Variants in PLEKHS1 observed in about 807,000 individuals in gnomAD.
PLEKHS1 encodes pleckstrin homology domain-containing family S member 1.
Under a neutral mutation model 51.0 loss-of-function variants are expected in PLEKHS1, and 55 were observed. The observed-to-expected ratio is 1.08, with a 90% confidence interval of 0.87 to 1.35. The LOEUF (loss-of-function observed/expected upper bound fraction) is 1.35. Among genes scored for constraint, PLEKHS1 ranks in the 40% most tolerant of loss-of-function variants. The pLI, the probability that PLEKHS1 is intolerant of heterozygous loss-of-function variation, is 0.00. For missense variants in PLEKHS1, 398 were observed against 423.0 expected (o/e 0.94, Z 0.52); for synonymous variants, 153 against 144.8 (o/e 1.06, Z -0.41).
intron 9 of PLEKHS1, 124 bp downstream of exon 9, chr10:113,774,457 T>C: frequency 1.6e-6 from 1 of 634,816 alleles, no homozygotes; most frequent in Non-Finnish European, 2.7e-6. Context: ...AGTTTCCACA[T>C]ATTATTCAGT....
chr10:113,755,020 T>C lies in PLEKHS1; in HGVS notation c.-19-239T>C, dbSNP rs562206579. 2.9e-4 allele frequency among the ~76,000 whole-genome samples: 44 copies of C among 152,180 alleles called. 1 individual carries two copies. The highest frequency in any genetic ancestry group is 5.0e-4 in the Non-Finnish European group (34 of 68,008). ...CTCCTTCAGTCTTCTCAACAACACCTCCGCAGAACCACCCACTGTGTGAGG... is the reference window on the plus strand; with the variant it reads ...CTCCTTCAGTCTTCTCAACAACACCCCCGCAGAACCACCCACTGTGTGAGG... On this transcript the variant is annotated intron_variant, in intron 1 of 11. Coordinates refer to ENST00000361048, the Ensembl canonical transcript of PLEKHS1.
intron 2 of PLEKHS1, among the ~76,000 whole-genome samples, chr10:113,761,329 G>T (rs1843917506): frequency 1.3e-5 from 2 of 152,018 alleles, no homozygotes; most frequent in Admixed American, 1.3e-4. Context: ...AATGCCATTG[G>T]GATTTTAATA....
intron 1 of PLEKHS1, among the ~76,000 whole-genome samples, chr10:113,754,267 T>C (rs1222795792): frequency 1.3e-5 from 2 of 152,210 alleles, no homozygotes; most frequent in Non-Finnish European, 2.9e-5. Context: ...CCCATCTTAC[T>C]TGGGGCTGCT....
rs1366656972 is a variant in PLEKHS1 at position 113,769,854 on chromosome 10, C to CAG, written c.509_510dup (p.Ala171ArgfsTer17). On this transcript the variant is annotated frameshift_variant, in exon 7 of 12. Transcript: ENST00000361048. LOFTEE classifies it high-confidence loss of function. ...CCTCTCCTTGGCCCTTCCAGCACAT[C>CAG]AGAGGCTGTTGGCTCCAGCTCACCA... 16 of 1,614,086 alleles carry CAG rather than the reference C, an allele frequency of 9.9e-6. No individual in the cohort carries two copies. Among genetic ancestry groups the CAG allele is most frequent in the Non-Finnish European group, 1.4e-5 (16 of 1,179,958 alleles).
intron 11 of PLEKHS1, among the ~76,000 whole-genome samples, chr10:113,779,897 A>G (rs1844816476): frequency 6.6e-6 from 1 of 152,220 alleles, no homozygotes; most frequent in African/African-American, 2.4e-5. Context: ...AAGATAGAAA[A>G]TTCCCTTACT....
chr10:113,769,838 G>A (rs1351010355), exon 7 of PLEKHS1: 1 of 1,614,006 alleles, frequency 6.2e-7, no homozygotes, highest in Non-Finnish European at 8.5e-7. Context: ...CCCTCTCCTT[G>A]GCCCTTCCAG....
At chr10:113,775,948 T>C (rs1481925875) in intron 11 of PLEKHS1, 82 bp downstream of exon 11, 1 of 1,062,232 alleles carries the variant, frequency 9.4e-7, no homozygotes, top group Admixed American at 2.2e-5. Context: ...AAACAGTGTA[T>C]TTGGCAACAC....
In PLEKHS1 at chr10:113,774,852, CTG is replaced by C; in HGVS notation, c.809_810del (p.Val270GlyfsTer2). Reference sequence around the variant, plus strand: ...TTTTTCAAAGAGACATCCCATGAGTCTGTGGATAGCAGCAAAGAGGAACCCCA... The same window carrying C: ...TTTTTCAAAGAGACATCCCATGAGTCTGGATAGCAGCAAAGAGGAACCCCA... On this transcript the variant is annotated frameshift_variant, in exon 10 of 12. Coordinates refer to ENST00000361048, the Ensembl canonical transcript of PLEKHS1. LOFTEE classifies it high-confidence loss of function. The C allele has an allele frequency of 1.2e-6, 2 of 1,614,062 alleles. No homozygotes were observed. The highest frequency in any genetic ancestry group is 1.7e-6 in the Non-Finnish European group (2 of 1,179,960).
chr10:113,779,861 C>T (rs1844815250), intron 11 of PLEKHS1, among the ~76,000 whole-genome samples: 1 of 152,182 alleles, frequency 6.6e-6, no homozygotes, highest in South Asian at 2.1e-4. Flanking sequence ...GAGAAATATG[C>T]AGTATTCATC....
At chr10:113,770,077 G>T (rs1445601842) in intron 7 of PLEKHS1, among the ~76,000 whole-genome samples, 177 bp downstream of exon 7, 1 of 152,220 alleles carries the variant, frequency 6.6e-6, no homozygotes, top group East Asian at 1.9e-4. Flanking sequence ...CTCACTGAGG[G>T]CTTGCCCTGA....
At chr10:113,761,318 A>C (rs190747197) in intron 2 of PLEKHS1, among the ~76,000 whole-genome samples, 192 of 152,292 alleles carry the variant, frequency 1.3e-3, no homozygotes, top group African/African-American at 4.4e-3. Context: ...ACAAGATAAA[A>C]AATGCCATTG....
intron 1 of PLEKHS1, among the ~76,000 whole-genome samples, chr10:113,753,108 G>C (rs1168127609): frequency 1.3e-5 from 2 of 152,076 alleles, no homozygotes; most frequent in African/African-American, 2.4e-5. Context: ...CTCAAAAACA[G>C]CTTGCAGTAA....
chr10:113,762,115 T>C (rs1843956699), intron 2 of PLEKHS1, among the ~76,000 whole-genome samples: 1 of 149,976 alleles, frequency 6.7e-6, no homozygotes, highest in African/African-American at 2.5e-5. Flanking sequence ...TCTATAATAT[T>C]TCTTTATTAT....
intron 8 of PLEKHS1, among the ~76,000 whole-genome samples, chr10:113,773,152 T>G (rs1844491058): frequency 6.6e-6 from 1 of 152,178 alleles, no homozygotes; most frequent in Admixed American, 6.5e-5. Context: ...TAAACAAGCT[T>G]CTTAGCAGAA....
At chr10:113,761,444 T>C (rs1421840419) in intron 2 of PLEKHS1, among the ~76,000 whole-genome samples, 1 of 101,490 alleles carries the variant, frequency 9.9e-6, no homozygotes, top group Non-Finnish European at 2.2e-5. Context: ...AATTTATGTC[T>C]CTTTATTTCA....
At position 113,768,899 on chromosome 10, in the gene PLEKHS1, A is replaced by G. The variant is rs759075557; in HGVS notation, c.435+9A>G. On this transcript the variant is annotated intron_variant, in intron 6 of 11. Coordinates refer to ENST00000361048, the Ensembl canonical transcript of PLEKHS1. Reference sequence around the variant, plus strand: ...CACAGCAGAACACAGAGGTGACTCCATATCACTAATAAAATAACAGGGCAC... The same window carrying G: ...CACAGCAGAACACAGAGGTGACTCCGTATCACTAATAAAATAACAGGGCAC... 3.1e-6 allele frequency: 5 copies of G among 1,601,476 alleles called. No homozygotes were observed. The African/African-American group carries it at 4.0e-5, about 13-fold the overall frequency.
intron 2 of PLEKHS1, among the ~76,000 whole-genome samples, chr10:113,765,974 C>T (rs1045736971): frequency 1.3e-5 from 2 of 152,192 alleles, no homozygotes; most frequent in Non-Finnish European, 2.9e-5. Context: ...ACCTTCACTC[C>T]TTTTCCAACT....
intron 11 of PLEKHS1, among the ~76,000 whole-genome samples, chr10:113,776,626 T>C (rs998363684): frequency 3.3e-5 from 5 of 152,332 alleles, no homozygotes; most frequent in Non-Finnish European, 5.9e-5. Context: ...TTGTTCATTA[T>C]ATATTCATTG....
intron 11 of PLEKHS1, among the ~76,000 whole-genome samples, chr10:113,778,836 G>T (rs1844780341): frequency 6.6e-6 from 1 of 152,014 alleles, no homozygotes; most frequent in Non-Finnish European, 1.5e-5. Context: ...GTAGAAACAG[G>T]GTTTCACCGT....
Sources: allele counts gnomAD v4.1 joint callset (sites outside exome capture counted in the v4.1 genomes callset), GRCh38; gene constraint gnomAD v4.1.1; transcripts MANE v1.5; gene names NCBI Gene and HGNC (gene_info 2026-07-23, HGNC 2026-07-21).